The following AKAP6 variants were observed in gnomAD, a reference collection of about 807,000 sequenced individuals.
AKAP6 encodes A-kinase anchor protein 6.
A neutral mutation model predicts 188.5 loss-of-function variants in AKAP6; 58 were observed. The ratio of observed to expected loss-of-function variants is 0.31; its 90% CI spans 0.25 to 0.38. The LOEUF (loss-of-function observed/expected upper bound fraction) is 0.38, where lower values mean the gene tolerates loss of function less well. Among genes scored for constraint, AKAP6 ranks in the 10% least tolerant of loss-of-function variants. The probability of loss-of-function intolerance (pLI) is 1.00; values close to 1 mark genes in which losing one functional copy is unlikely to be tolerated. For missense variants in AKAP6, 2,710 were observed against 2,740.0 expected (o/e 0.99, Z 0.24); for synonymous variants, 989 against 998.6 (o/e 0.99, Z 0.18).
At chr14:32,521,223 C>T (rs964709116) in intron 2 of AKAP6, among the ~76,000 whole-genome samples, 2 of 152,070 alleles carry the variant, frequency 1.3e-5, no homozygotes, top group Non-Finnish European at 2.9e-5. Context: ...AACTCACAGC[C>T]AATATCATAC....
intron 1 of AKAP6, among the ~76,000 whole-genome samples, chr14:32,429,153 G>A (rs1055967340): frequency 2.6e-5 from 4 of 152,182 alleles, no homozygotes; most frequent in Non-Finnish European, 5.9e-5. Context: ...GCACCTGTGT[G>A]CACTTGATCA....
intron 2 of AKAP6, chr14:32,494,382 G>A (rs1880198217): frequency 6.6e-6 from 1 of 152,272 alleles, no homozygotes; most frequent in African/African-American, 2.4e-5. Context: ...ATCGTAAGGA[G>A]GCACTATGCG....
At chr14:32,625,865 G>T (rs1486504742) in intron 7 of AKAP6, among the ~76,000 whole-genome samples, 1 of 152,206 alleles carries the variant, frequency 6.6e-6, no homozygotes, top group South Asian at 2.1e-4. Flanking sequence ...CAGCCTTTCA[G>T]AGGTCATTCC....
At chr14:32,473,912 CT>C in intron 2 of AKAP6, 1 of 152,346 alleles carries the variant, frequency 6.6e-6, no homozygotes. Context: ...TTTTCTTTTT[CT>C]TTTTTTGGGA....
intron 7 of AKAP6, among the ~76,000 whole-genome samples, chr14:32,628,278 T>C (rs1887108456): frequency 1.3e-5 from 2 of 152,134 alleles, no homozygotes; most frequent in Admixed American, 1.3e-4. Flanking sequence ...AGTTTAACTT[T>C]TTATTGAAGT....
At chr14:32,690,425 C>T (rs1241701957) in intron 8 of AKAP6, among the ~76,000 whole-genome samples, 1 of 152,108 alleles carries the variant, frequency 6.6e-6, no homozygotes, top group African/African-American at 2.4e-5. Context: ...ATATAACTCC[C>T]ATCAGGGTTT....
At chr14:32,397,377 CTT>C (rs60314050) in intron 1 of AKAP6, among the ~76,000 whole-genome samples, 109 of 130,256 alleles carry the variant, frequency 8.4e-4, no homozygotes, top group African/African-American at 2.4e-3. Context: ...TTTTTATTGT[CTT>C]TTTTTTTTTT....
intron 3 of AKAP6, among the ~76,000 whole-genome samples, chr14:32,544,561 G>C (rs1268842319): frequency 1.3e-5 from 2 of 152,086 alleles, no homozygotes; most frequent in Non-Finnish European, 2.9e-5. Context: ...AGCAGGACTT[G>C]GGGAGAAAAA....
intron 13 of AKAP6, among the ~76,000 whole-genome samples, chr14:32,828,253 T>A (rs1300411307): frequency 6.6e-6 from 1 of 152,158 alleles, no homozygotes; most frequent in Non-Finnish European, 1.5e-5. Flanking sequence ...CCCATTCTGT[T>A]AATTGGATTG....
intron 7 of AKAP6, among the ~76,000 whole-genome samples, chr14:32,627,094 A>C (rs1170862291): frequency 2.0e-5 from 3 of 152,134 alleles, no homozygotes; most frequent in African/African-American, 7.2e-5. Flanking sequence ...TCCTCAGAGC[A>C]ACACATTATG....
chr14:32,332,388 A>G (rs1353644731), intron 1 of AKAP6, among the ~76,000 whole-genome samples: 1 of 152,088 alleles, frequency 6.6e-6, no homozygotes, highest in Non-Finnish European at 1.5e-5. Flanking sequence ...ACTAAGGTTG[A>G]TTTCACTGTA....
chr14:32,364,378 G>T (rs921431660), intron 1 of AKAP6, among the ~76,000 whole-genome samples: 3 of 152,128 alleles, frequency 2.0e-5, no homozygotes, highest in Non-Finnish European at 2.9e-5. Context: ...CTTGTAGAGT[G>T]TGGTTGCTGC....
At position 32,836,707 on chromosome 14, in the gene AKAP6, C is replaced by T. The variant is rs553129831; in HGVS notation, c.*6902C>T. ...ATTATGGGTTACAAACCCCTTGTGA[C>T]ACCATATTTAAGAGCCACTGCTATT... On this transcript the variant is annotated 3_prime_UTR_variant, in exon 14 of 14. Coordinates refer to ENST00000280979, the MANE Select transcript of AKAP6 (RefSeq NM_004274.5). The T allele has an allele frequency of 2.6e-5, 4 of 152,248 alleles. No individual in the cohort carries two copies. The highest frequency in any genetic ancestry group is 1.9e-4 in the East Asian group (1 of 5,158). 9.4% of individuals were successfully genotyped at this position (152,248 alleles called of 1,614,324 possible).
intron 11 of AKAP6, among the ~76,000 whole-genome samples, chr14:32,762,566 G>A (rs1332061256): frequency 2.6e-5 from 4 of 151,990 alleles, no homozygotes; most frequent in Non-Finnish European, 5.9e-5. Context: ...CTCACTGAGG[G>A]TCTACATTTT....
intron 1 of AKAP6, among the ~76,000 whole-genome samples, chr14:32,349,714 G>C (rs1887198423): frequency 6.6e-6 from 1 of 152,136 alleles, no homozygotes; most frequent in Admixed American, 6.6e-5. Flanking sequence ...AAACTTTGAG[G>C]GTAGTTGAAG....
chr14:32,462,901 CAAAAAAA>C (rs71143943), intron 2 of AKAP6, among the ~76,000 whole-genome samples: 8 of 8,822 alleles, frequency 9.1e-4, no homozygotes, highest in African/African-American at 3.1e-3. Flanking sequence ...AAATGGAAAG[CAAAAAAA>C]AAAAAAAAAA....
intron 2 of AKAP6, among the ~76,000 whole-genome samples, chr14:32,446,108 C>A (rs1890747581): frequency 6.6e-6 from 1 of 152,074 alleles, no homozygotes; most frequent in African/African-American, 2.4e-5. Flanking sequence ...GATGTCATTA[C>A]CATAAGAAGA....
Position 32,354,940 on chromosome 14 carries a change from T to C in AKAP6, c.-35+25532T>C, listed in dbSNP as rs865954547. 4.6e-5 allele frequency among the ~76,000 whole-genome samples: 7 copies of C among 152,178 alleles called. 1 individual carries two copies. The South Asian group carries it at 1.4e-3, about 32-fold the overall frequency. ...TGTCAGTTCAGTTCAGGTGCCCTGC[T>C]TTCTCCCAGCCCAGGGGTGGACATA... On this transcript the variant is annotated intron_variant, in intron 1 of 13. Coordinates refer to ENST00000280979, the MANE Select transcript of AKAP6 (RefSeq NM_004274.5).
chr14:32,762,905 C>T lies in AKAP6; in HGVS notation c.3373-10773C>T, dbSNP rs564217403. Reference sequence around the variant, plus strand: ...AAGGCCATGGAGGTAAAGGTGATTGCGGTAACTTTAGACCTCACTTATTTG... The same window carrying T: ...AAGGCCATGGAGGTAAAGGTGATTGTGGTAACTTTAGACCTCACTTATTTG... On this transcript the variant is annotated intron_variant, in intron 11 of 13. Coordinates refer to ENST00000280979, the MANE Select transcript of AKAP6 (RefSeq NM_004274.5). Among the ~76,000 whole-genome samples the T allele has an allele frequency of 5.9e-5, 9 of 152,070 alleles. 1 individual carries two copies. The highest frequency in any genetic ancestry group is 2.1e-4 in the South Asian group (1 of 4,810).
Sources: allele counts gnomAD v4.1 joint callset (sites outside exome capture counted in the v4.1 genomes callset), GRCh38; gene constraint gnomAD v4.1.1; transcripts MANE v1.5; gene names NCBI Gene and HGNC (gene_info 2026-07-23, HGNC 2026-07-21).